Variants in FZD5 observed in about 807,000 individuals in gnomAD.
FZD5 encodes the protein frizzled class receptor 5.
FZD5 carries 12 observed loss-of-function variants against 40.8 expected under a neutral mutation model. The observed-to-expected ratio is 0.29, with a 90% CI of 0.19 to 0.48. The LOEUF is 0.48. FZD5 is among the 20% of genes least tolerant of loss of function. The pLI is 0.99. For missense variants in FZD5, 622 were observed against 832.8 expected, an observed-to-expected ratio of 0.75 and a Z score of 3.12; for synonymous variants, 380 against 383.7, an observed-to-expected ratio of 0.99 and a Z score of 0.11.
In FZD5 at chr2:207,764,631, C is replaced by T. The variant is rs183430531; in HGVS notation, c.*2351G>A. The T allele has an allele frequency of 6.6e-6, 1 of 152,288 alleles. No homozygotes were observed. Among genetic ancestry groups the T allele is most frequent in the East Asian group, 1.9e-4 (1 of 5,190 alleles). The allele number at this position is 152,288 out of a possible 1,614,324, so 9.4% of individuals were successfully genotyped here. A position where few individuals can be genotyped will look rare whatever the true frequency, so the allele number is the denominator to read the frequency against. On this transcript the variant is annotated 3_prime_UTR_variant, in exon 2 of 2. Transcript: ENST00000295417. ...TTATTTTTAAAGTAAATTAGTTGTT[C>T]AGCATGTTGCTAAAACAAAACAAAA...
In FZD5 at chr2:207,767,263, G is replaced by C. The variant is rs756052742; in HGVS notation, c.1477C>G (p.Gln493Glu). Residue 493 changes from glutamine (Q) to glutamate (E), a missense_variant, in exon 2 of 2, where the codon CAG (glutamine) becomes GAG (glutamate). Physicochemically the swap from Gln to Glu is conservative, Grantham distance 29. Around this residue, in one of 4 missense-constraint regions of FZD5, gnomAD observed 154 missense variants for 152.1 expected, o/e 1.01. Transcript: ENST00000295417. ...TCACPGHDTG[Q>E]PRAKPEYWVL... is the part of the protein sequence containing the mutation. ...CAGTACTCGGGCTTGGCGCGCGGCT[G>C]GCCGGTGTCGTGGCCCGGGCAGGCG... is the stretch of plus-strand genomic sequence containing the variant. 24 of 1,610,940 alleles carry C rather than the reference G, an allele frequency of 1.5e-5. No homozygotes were observed. The highest frequency in any genetic ancestry group is 2.0e-5 in the Non-Finnish European group (23 of 1,179,096).
rs1315332215 is a variant in FZD5, at chr2:207,768,653, C to T, written c.87G>A (p.Lys29=). Residue 29 remains lysine, a synonymous_variant, in exon 2 of 2, where the codon AAG becomes AAA. Transcript: ENST00000295417. Reference sequence around the variant, plus strand: ...CCGTGATTTCCTGGCACACCGGGGCCTTGGACGCGGCGGCCGCCCGGCCCA... The same window carrying T: ...CCGTGATTTCCTGGCACACCGGGGCTTTGGACGCGGCGGCCGCCCGGCCCA... The part of the protein sequence containing the change: ...QLVGRAAAAS[K]APVCQEITVP... The T allele has an allele frequency of 1.2e-6, 2 of 1,612,268 alleles. No individual in the cohort carries two copies. Among genetic ancestry groups the T allele is most frequent in the African/African-American group, 2.7e-5 (2 of 75,018 alleles).
rs1009247882 is a variant in FZD5 at position 207,766,748 on chromosome 2, G to C, written c.*234C>G. 18 of 389,110 alleles carry C rather than the reference G, an allele frequency of 4.6e-5. No homozygotes were observed. Among genetic ancestry groups the C allele is most frequent in the East Asian group, 2.6e-4 (7 of 26,758 alleles). 24.1% of individuals were successfully genotyped at this position (389,110 alleles called of 1,614,324 possible). A position where few individuals can be genotyped will look rare whatever the true frequency, so the allele number is the denominator to read the frequency against. ...AAAAATACATATAAATTAAAAAGAGGGTTCCCATAAAGAAGGCAGTAAGAA... is the reference window on the plus strand; with the variant it reads ...AAAAATACATATAAATTAAAAAGAGCGTTCCCATAAAGAAGGCAGTAAGAA... On this transcript the variant is annotated 3_prime_UTR_variant, in exon 2 of 2. Transcript: ENST00000295417.
rs1418901605 is a variant in FZD5, at chr2:207,764,125, G to A, written c.*2857C>T. 1 of 152,554 alleles carries A rather than the reference G, an allele frequency of 6.6e-6. No individual in the cohort carries two copies. Among genetic ancestry groups the A allele is most frequent in the African/African-American group, 2.4e-5 (1 of 41,426 alleles). The allele number at this position is 152,554 out of a possible 1,614,324, so 9.5% of individuals were successfully genotyped here. On this transcript the variant is annotated 3_prime_UTR_variant, in exon 2 of 2. Coordinates refer to ENST00000295417, the MANE Select transcript of FZD5 (RefSeq NM_003468.4). ...GTTCCTTTAGACAACCTACCTGAAT[G>A]GAATCCTTACCCCCTAAGCTATGAA...
At position 207,767,065 on chromosome 2, in the gene FZD5, C is replaced by T; in HGVS notation, c.1675G>A (p.Ala559Thr). 6.3e-7 allele frequency: 1 copy of T among 1,578,366 alleles called. No homozygotes were observed. The highest frequency in any genetic ancestry group is 8.6e-7 in the Non-Finnish European group (1 of 1,165,668). ...GTCCTGCCTGTGAGCGCGGCGCTCG[C>T]CTCGGGGTAGTCCCCTGCGGCCATG... is the stretch of plus-strand genomic sequence containing the variant. ...GAMAAGDYPE[A>T]SAALTGRTGP... Residue 559 changes from alanine to threonine, a missense_variant, in exon 2 of 2, where the codon GCG becomes ACG. By Grantham distance (58) the Ala-to-Thr change is moderately conservative (BLOSUM62 0). Coordinates refer to ENST00000295417, the MANE Select transcript of FZD5 (RefSeq NM_003468.4).
Position 207,768,045 on chromosome 2 carries a change from C to G in FZD5, c.695G>C (p.Arg232Pro), listed in dbSNP as rs1405566921. The G allele has an allele frequency of 6.2e-7, 1 of 1,611,090 alleles. No homozygotes were observed. The highest frequency in any genetic ancestry group is 1.7e-5 in the Admixed American group (1 of 59,602). ...CYQPSFSADE[R>P]TFATFWIGLW... is the part of the protein sequence containing the mutation. ...GCCTATCCAGAAGGTGGCGAACGTG[C>G]GCTCGTCGGCACTGAAGGACGGCTG... The change falls in exon 2 of 2, where the codon CGC becomes CCC. Residue 232 changes from arginine to proline, a missense_variant. This residue lies in a region of FZD5 where 208 missense variants were observed against 348.9 expected (regional missense o/e 0.60). Coordinates refer to ENST00000295417, the MANE Select transcript of FZD5 (RefSeq NM_003468.4).
At position 207,767,168 on chromosome 2, in the gene FZD5, GC is replaced by G; in HGVS notation, c.1571del (p.Gly524AlafsTer83). ...AACGCCGCCACGACTCCACCGTCTT[GC>G]CCGACCAGATCCAGACGCCCGACGT... ...GITSGVWIWSGKTVESWRRFT... is the reference protein window; with the variant it reads ...GITSGVWIWSXKTVESWRRFT... On this transcript the variant is annotated frameshift_variant, in exon 2 of 2. Transcript: ENST00000295417. LOFTEE classifies it high-confidence loss of function. 1 of 1,588,566 alleles carries G rather than the reference GC, an allele frequency of 6.3e-7. No individual in the cohort carries two copies. The highest frequency in any genetic ancestry group is 8.6e-7 in the Non-Finnish European group (1 of 1,168,924).
Position 207,768,192 on chromosome 2 carries a change from G to A in FZD5, c.548C>T (p.Pro183Leu). The change falls in exon 2 of 2, where the codon CCC becomes CTC. Residue 183 changes from proline to leucine, a missense_variant. By Grantham distance (98) the Pro-to-Leu change is moderately conservative. This residue lies in a region of FZD5 where 116 missense variants were observed against 117.7 expected (regional missense o/e 0.99). Transcript: ENST00000295417. ...PGAPASGGEC[P>L]AGGPFVCKCR... Reference sequence around the variant, plus strand: ...CTTGCACACGAACGGGCCCCCAGCGGGGCATTCGCCCCCCGAGGCCGGCGC... The same window carrying A: ...CTTGCACACGAACGGGCCCCCAGCGAGGCATTCGCCCCCCGAGGCCGGCGC... 1 of 1,596,744 alleles carries A rather than the reference G, an allele frequency of 6.3e-7. No individual in the cohort carries two copies. The highest frequency in any genetic ancestry group is 2.3e-5 in the East Asian group (1 of 44,264).
In FZD5 at chr2:207,768,586, G is replaced by C. The variant is rs774624028; in HGVS notation, c.154C>G (p.Pro52Ala). The C allele has an allele frequency of 6.2e-7, 1 of 1,613,998 alleles. No homozygotes were observed. Among genetic ancestry groups the C allele is most frequent in the Non-Finnish European group, 8.5e-7 (1 of 1,179,884 alleles). The change falls in exon 2 of 2, where the codon CCC (proline) becomes GCC (alanine). Residue 52 changes from proline to alanine, a missense_variant. Physicochemically the swap from Pro to Ala is conservative, Grantham distance 27 (BLOSUM62 -1). Coordinates refer to ENST00000295417, the MANE Select transcript of FZD5 (RefSeq NM_003468.4). ...RGIGYNLTHM[P>A]NQFNHDTQDE... ...TGCGTGTCGTGGTTGAACTGGTTGG[G>C]CATGTGCGTCAGGTTGTAGCCGATG...
At position 207,768,128 on chromosome 2, in the gene FZD5, G is replaced by C. The variant is rs767069079; in HGVS notation, c.612C>G (p.His204Gln). 1 of 1,612,752 alleles carries C rather than the reference G, an allele frequency of 6.2e-7. No homozygotes were observed. The highest frequency in any genetic ancestry group is 1.7e-5 in the Admixed American group (1 of 59,996). The change falls in exon 2 of 2, where the codon CAC becomes CAG. Residue 204 changes from histidine to glutamine, a missense_variant. Physicochemically the swap from His to Gln is conservative, Grantham distance 24. This residue lies in a region of FZD5 where 116 missense variants were observed against 117.7 expected (regional missense o/e 0.99). Coordinates refer to ENST00000295417, the MANE Select transcript of FZD5 (RefSeq NM_003468.4). ...EPFVPILKES[H>Q]PLYNKVRTGQ... The stretch of plus-strand genomic sequence containing the variant: ...CCGTCCGCACCTTGTTGTAGAGCGG[G>C]TGTGACTCCTTCAGAATGGGCACGA...
At position 207,767,258 on chromosome 2, in the gene FZD5, C is replaced by T. The variant is rs780915244; in HGVS notation, c.1482G>A (p.Pro494=). The part of the protein sequence containing the change: ...CACPGHDTGQ[P]RAKPEYWVLM... ...GCACCCAGTACTCGGGCTTGGCGCGCGGCTGGCCGGTGTCGTGGCCCGGGC... is the reference window on the plus strand; with the variant it reads ...GCACCCAGTACTCGGGCTTGGCGCGTGGCTGGCCGGTGTCGTGGCCCGGGC... The change falls in exon 2 of 2, where the codon CCG becomes CCA. Residue 494 remains proline (P), a synonymous_variant. Coordinates refer to ENST00000295417, the MANE Select transcript of FZD5 (RefSeq NM_003468.4). 1.2e-6 allele frequency: 2 copies of T among 1,610,506 alleles called. No homozygotes were observed. Among genetic ancestry groups the T allele is most frequent in the East Asian group, 2.2e-5 (1 of 44,752 alleles).
In FZD5 at chr2:207,763,395, G is replaced by A. The variant is rs978107613; in HGVS notation, c.*3587C>T. 2.6e-5 allele frequency: 4 copies of A among 152,448 alleles called. No individual in the cohort carries two copies. Among genetic ancestry groups the A allele is most frequent in the African/African-American group, 7.2e-5 (3 of 41,386 alleles). 9.4% of individuals were successfully genotyped at this position (152,448 alleles called of 1,614,324 possible). ...TGCCTACTCTTCACCCTTCTTTAACGTCTTGGCAGTTCTTTCAGAACCACC... is the reference window on the plus strand; with the variant it reads ...TGCCTACTCTTCACCCTTCTTTAACATCTTGGCAGTTCTTTCAGAACCACC... On this transcript the variant is annotated 3_prime_UTR_variant, in exon 2 of 2. Transcript: ENST00000295417.
At position 207,767,054 on chromosome 2, in the gene FZD5, C is replaced by G; in HGVS notation, c.1686G>C (p.Ala562=). 3 of 1,527,144 alleles carry G rather than the reference C, an allele frequency of 2.0e-6. No individual in the cohort carries two copies. The highest frequency in any genetic ancestry group is 1.3e-5 in the South Asian group (1 of 77,266). 94.6% of individuals were successfully genotyped at this position (1,527,144 alleles called of 1,614,324 possible). The change falls in exon 2 of 2, where the codon GCG becomes GCC. Residue 562 remains alanine, a synonymous_variant. Coordinates refer to ENST00000295417, the MANE Select transcript of FZD5 (RefSeq NM_003468.4). Reference sequence around the variant, plus strand: ...CCGGCGGCCCGGTCCTGCCTGTGAGCGCGGCGCTCGCCTCGGGGTAGTCCC... The same window carrying G: ...CCGGCGGCCCGGTCCTGCCTGTGAGGGCGGCGCTCGCCTCGGGGTAGTCCC... ...AAGDYPEASA[A]LTGRTGPPGP...
rs2091994131 is a variant in FZD5, at chr2:207,768,560, C to T, written c.180G>A (p.Gln60=). The T allele has an allele frequency of 1.2e-6, 2 of 1,613,880 alleles. No homozygotes were observed. Among genetic ancestry groups the T allele is most frequent in the South Asian group, 2.2e-5 (2 of 91,088 alleles). ...HMPNQFNHDT[Q]DEAGLEVHQF... Reference sequence around the variant, plus strand: ...GGTGCACCTCCAGGCCCGCCTCGTCCTGCGTGTCGTGGTTGAACTGGTTGG... The same window carrying T: ...GGTGCACCTCCAGGCCCGCCTCGTCTTGCGTGTCGTGGTTGAACTGGTTGG... Residue 60 remains glutamine, a synonymous_variant, in exon 2 of 2, where the codon CAG becomes CAA. Transcript: ENST00000295417.
chr2:207,766,509 C>G lies in FZD5; in HGVS notation c.*473G>C, dbSNP rs988275975. On this transcript the variant is annotated 3_prime_UTR_variant, in exon 2 of 2. Transcript: ENST00000295417. ...AGGAGAAGCTGGCTGAAAAAGCACACCCAACAACTTCCCAGTCACAGCAAC... is the reference window on the plus strand; with the variant it reads ...AGGAGAAGCTGGCTGAAAAAGCACAGCCAACAACTTCCCAGTCACAGCAAC... 1 of 152,840 alleles carries G rather than the reference C, an allele frequency of 6.5e-6. No individual in the cohort carries two copies. Among genetic ancestry groups the G allele is most frequent in the Non-Finnish European group, 1.5e-5 (1 of 68,246 alleles). 9.5% of individuals were successfully genotyped at this position (152,840 alleles called of 1,614,324 possible). A position where few individuals can be genotyped will look rare whatever the true frequency, so the allele number is the denominator to read the frequency against.
rs1211318028 is a variant in FZD5, at chr2:207,766,010, G to A, written c.*972C>T. On this transcript the variant is annotated 3_prime_UTR_variant, in exon 2 of 2. Transcript: ENST00000295417. ...AAAGGAGCCCCCTTTAGCAACTGTC[G>A]CTAAGTATTGTCCAGAGGGAGTGGG... 6.8e-6 allele frequency: 1 copy of A among 146,078 alleles called. No individual in the cohort carries two copies. Among genetic ancestry groups the A allele is most frequent in the Non-Finnish European group, 1.5e-5 (1 of 67,398 alleles). 9.0% of individuals were successfully genotyped at this position (146,078 alleles called of 1,614,324 possible).
At position 207,768,204 on chromosome 2, in the gene FZD5, C is replaced by G; in HGVS notation, c.536G>C (p.Gly179Ala). ...CGGGCCCCCAGCGGGGCATTCGCCC[C>G]CCGAGGCCGGCGCCCCTGGCGGGCC... Reference protein sequence around the residue: ...LPGPPGAPASGGECPAGGPFV... With the variant: ...LPGPPGAPASAGECPAGGPFV... Residue 179 changes from glycine (G) to alanine (A), a missense_variant, in exon 2 of 2, where the codon GGG becomes GCG. Gly to Ala is a moderately conservative substitution (Grantham distance 60, BLOSUM62 0). This residue lies in a region of FZD5 where 116 missense variants were observed against 117.7 expected (regional missense o/e 0.99). Transcript: ENST00000295417. The G allele has an allele frequency of 6.3e-7, 1 of 1,585,724 alleles. No individual in the cohort carries two copies. Among genetic ancestry groups the G allele is most frequent in the Non-Finnish European group, 8.5e-7 (1 of 1,171,428 alleles).
chr2:207,767,918 C>T lies in FZD5; in HGVS notation c.822G>A (p.Leu274=), dbSNP rs1294461402. ...GCGACACGCACAGGTAGCAGGCTGA[C>T]AGGAAGATGATGGGGCGCTCAGGAT... ...FRYPERPIIF[L]SACYLCVSLG... is the part of the protein sequence containing the mutation. Residue 274 remains leucine, a synonymous_variant, in exon 2 of 2, where the codon CTG becomes CTA. Transcript: ENST00000295417. 10 of 1,598,782 alleles carry T rather than the reference C, an allele frequency of 6.3e-6. No homozygotes were observed. Among genetic ancestry groups the T allele is most frequent in the Non-Finnish European group, 7.7e-6 (9 of 1,172,520 alleles).
Position 207,767,962 on chromosome 2 carries a change from C to G in FZD5, c.778G>C (p.Asp260His). The G allele has an allele frequency of 6.2e-7, 1 of 1,605,450 alleles. No homozygotes were observed. The highest frequency in any genetic ancestry group is 8.5e-7 in the Non-Finnish European group (1 of 1,175,850). ...TCAGGATAGCGGAAGCGTTCCATGT[C>G]GATGAGGAAGGTGGCCACTGTGGTG... ...TSTTVATFLI[D>H]MERFRYPERP... The change falls in exon 2 of 2, where the codon GAC (aspartate) becomes CAC (histidine). Residue 260 changes from aspartate to histidine, a missense_variant. By Grantham distance (81) the Asp-to-His change is moderately conservative. This residue lies in a region of FZD5 where 208 missense variants were observed against 348.9 expected (regional missense o/e 0.60). Transcript: ENST00000295417.
Sources: gnomAD v4.1 joint callset for allele counts on GRCh38, gnomAD v4.1.1 for gene constraint, gnomAD v4.1.1 regional missense constraint, MANE v1.5 for transcripts, NCBI Gene and HGNC (gene_info 2026-07-23, HGNC 2026-07-21) for gene names.